The following TRIM42 variants were observed in gnomAD, a reference collection of about 807,000 sequenced individuals.
TRIM42 encodes the protein tripartite motif-containing protein 42.
Under a neutral mutation model 64.9 loss-of-function variants are expected in TRIM42, and 59 were observed. The observed-to-expected ratio is 0.91, with a 90% confidence interval of 0.74 to 1.13. The LOEUF (loss-of-function observed/expected upper bound fraction) is 1.13. Among genes scored for constraint, TRIM42 ranks in the 50% most tolerant of loss-of-function variants. The pLI is 0.00. For missense variants in TRIM42, 878 were observed against 929.5 expected (o/e 0.94, Z 0.72); for synonymous variants, 354 against 346.3 (o/e 1.02, Z -0.25).
intron 2 of TRIM42, among the ~76,000 whole-genome samples, chr3:140,686,624 A>G (rs1988550946): frequency 6.6e-6 from 1 of 152,196 alleles, no homozygotes. Flanking sequence ...CCAGCTTCCT[A>G]TGAACCCAGG....
chr3:140,694,037 G>T (rs1988788452), intron 4 of TRIM42, among the ~76,000 whole-genome samples: 1 of 152,184 alleles, frequency 6.6e-6, no homozygotes, highest in Non-Finnish European at 1.5e-5. Flanking sequence ...AGAAGGATGA[G>T]TTGAGTGGAC....
intron 4 of TRIM42, among the ~76,000 whole-genome samples, chr3:140,698,149 T>A (rs1988905519): frequency 6.6e-6 from 1 of 152,214 alleles, no homozygotes; most frequent in African/African-American, 2.4e-5. Flanking sequence ...CTACGGTAAG[T>A]ATGCCCATTA....
chr3:140,679,161 C>G (rs1283560060), intron 1 of TRIM42, among the ~76,000 whole-genome samples: 1 of 152,030 alleles, frequency 6.6e-6, no homozygotes, highest in African/African-American at 2.4e-5. Flanking sequence ...CTCTTAATAC[C>G]TGTAACTTTT....
chr3:140,700,077 G>T (rs1988958682), intron 4 of TRIM42, among the ~76,000 whole-genome samples: 1 of 152,134 alleles, frequency 6.6e-6, no homozygotes, highest in African/African-American at 2.4e-5. Flanking sequence ...TTTCATCCCT[G>T]GGTCTCGACC....
Position 140,691,070 on chromosome 3 carries a change from C to T in TRIM42, c.1963C>T (p.Gln655Ter). 1 of 1,614,076 alleles carries T rather than the reference C, an allele frequency of 6.2e-7. No individual in the cohort carries two copies. The highest frequency in any genetic ancestry group is 2.2e-5 in the East Asian group (1 of 44,876). The change falls in exon 4 of 5, where the codon CAA (glutamine) becomes TAA (stop). Residue 655 changes from glutamine to a stop codon, truncating the protein, a stop_gained. Transcript: ENST00000286349. LOFTEE classifies it high-confidence loss of function. ...PNNVQMELCG[Q>*]IRDIMQQNLE... is the part of the protein sequence containing the mutation. The stretch of plus-strand genomic sequence containing the variant: ...CAACGTACAAATGGAGCTCTGTGGA[C>T]AAATTCGGGACATAATGCAGCAAAA...
intron 3 of TRIM42, among the ~76,000 whole-genome samples, chr3:140,690,100 T>G (rs538006881): frequency 1.2e-4 from 19 of 152,308 alleles, no homozygotes; most frequent in Non-Finnish European, 2.5e-4. Flanking sequence ...ATTCATATTT[T>G]AGGATAATGG....
chr3:140,678,242 A>T lies in TRIM42; in HGVS notation c.13A>T (p.Met5Leu), dbSNP rs746805238. ...TCATGTAGGCACCATGGAAACTGCT[A>T]TGTGCGTTTGCTGTCCATGTTGTAC... META[M>L]CVCCPCCTWQ... Residue 5 changes from methionine (M) to leucine (L), a missense_variant, in exon 1 of 5, where the codon ATG becomes TTG. Transcript: ENST00000286349. 7 of 1,613,840 alleles carry T rather than the reference A, an allele frequency of 4.3e-6. No homozygotes were observed. The highest frequency in any genetic ancestry group is 4.5e-5 in the East Asian group (2 of 44,878).
chr3:140,694,733 G>C (rs1238724364), intron 4 of TRIM42, among the ~76,000 whole-genome samples: 1 of 152,180 alleles, frequency 6.6e-6, no homozygotes, highest in Non-Finnish European at 1.5e-5. Context: ...TCCTTCTGAA[G>C]GGCCTGAGGG....
chr3:140,681,636 A>G lies in TRIM42; in HGVS notation c.342-826A>G, dbSNP rs557102278. ...CATCTATTTACAATAAATAATGTCA[A>G]TGTCCTCCAGGAAAAAAAAAACACT... On this transcript the variant is annotated intron_variant, in intron 1 of 4. Coordinates refer to ENST00000286349, the MANE Select transcript of TRIM42 (RefSeq NM_152616.5). 3.9e-5 allele frequency among the ~76,000 whole-genome samples: 5 copies of G among 126,904 alleles called. No individual in the cohort carries two copies. The East Asian group carries it at 1.0e-3, about 25-fold the overall frequency. The allele number at this position is 126,904 out of a possible 152,430, so 83.3% of individuals were successfully genotyped here.
At chr3:140,678,880 A>C (rs1005210981) in intron 1 of TRIM42, among the ~76,000 whole-genome samples, 1 of 152,182 alleles carries the variant, frequency 6.6e-6, no homozygotes, top group African/African-American at 2.4e-5. Context: ...CAGGCACTTC[A>C]TGCATGACCC....
chr3:140,697,946 G>A (rs1381003918), intron 4 of TRIM42, among the ~76,000 whole-genome samples: 1 of 152,146 alleles, frequency 6.6e-6, no homozygotes, highest in Non-Finnish European at 1.5e-5. Context: ...GCCTCCCAAA[G>A]TGCTGGGATT....
intron 4 of TRIM42, among the ~76,000 whole-genome samples, chr3:140,697,917 T>G (rs1443080979): frequency 1.3e-5 from 2 of 152,092 alleles, no homozygotes; most frequent in Non-Finnish European, 2.9e-5. Flanking sequence ...TCTCCTGACC[T>G]CGTGATCTGC....
chr3:140,689,536 T>C (rs1988651777), intron 3 of TRIM42, among the ~76,000 whole-genome samples: 2 of 152,126 alleles, frequency 1.3e-5, no homozygotes, highest in African/African-American at 4.8e-5. Context: ...TTCCAGGTAC[T>C]GCCAATGCTG....
intron 4 of TRIM42, among the ~76,000 whole-genome samples, chr3:140,693,457 T>C (rs897619815): frequency 2.6e-5 from 4 of 152,234 alleles, no homozygotes; most frequent in Admixed American, 2.6e-4. Flanking sequence ...TTCTTTGTGG[T>C]TATATTAGCA....
chr3:140,678,696 G>A, intron 1 of TRIM42, 126 bp downstream of exon 1: 1 of 766,376 alleles, frequency 1.3e-6, no homozygotes, highest in Non-Finnish European at 2.1e-6. Flanking sequence ...AAAAGGAGGA[G>A]CCAAGAATTT....
At chr3:140,692,526 CACAT>C (rs1212668765) in intron 4 of TRIM42, among the ~76,000 whole-genome samples, 3 of 125,114 alleles carry the variant, frequency 2.4e-5, no homozygotes, top group African/African-American at 1.0e-4. Context: ...CACACACATA[CACAT>C]ACACACACAC....
chr3:140,678,827 T>G (rs937111670), intron 1 of TRIM42, among the ~76,000 whole-genome samples: 1 of 152,300 alleles, frequency 6.6e-6, no homozygotes, highest in South Asian at 2.1e-4. Flanking sequence ...CTCTCATCTG[T>G]ACAAAACAGT....
At chr3:140,681,461 ACATCT>A (rs1174618592) in intron 1 of TRIM42, among the ~76,000 whole-genome samples, 1 of 152,230 alleles carries the variant, frequency 6.6e-6, no homozygotes, top group East Asian at 1.9e-4. Flanking sequence ...GTTTAAAAAA[ACATCT>A]CAGAAGGTAC....
chr3:140,691,015 A>G lies in TRIM42; in HGVS notation c.1908A>G (p.Glu636=). The G allele has an allele frequency of 6.2e-7, 1 of 1,614,112 alleles. No homozygotes were observed. The highest frequency in any genetic ancestry group is 8.5e-7 in the Non-Finnish European group (1 of 1,179,994). The part of the protein sequence containing the change: ...PAEDVDSFEM[E]FYEVITSPPN... ...AAGACGTGGACTCTTTTGAGATGGA[A>G]TTCTATGAAGTCATTACTTCTCCTC... The change falls in exon 4 of 5, where the codon GAA becomes GAG. Residue 636 remains glutamate (E), a synonymous_variant. Transcript: ENST00000286349.
Sources: allele counts gnomAD v4.1 joint callset (sites outside exome capture counted in the v4.1 genomes callset), GRCh38; gene constraint gnomAD v4.1.1; transcripts MANE v1.5; gene names NCBI Gene and HGNC (gene_info 2026-07-23, HGNC 2026-07-21).